Variants in ADAMTS9 observed in about 807,000 individuals in gnomAD.
ADAMTS9 encodes the protein A disintegrin and metalloproteinase with thrombospondin motifs 9.
Under a neutral mutation model 257.1 loss-of-function variants are expected in ADAMTS9, and 107 were observed. That is an observed-to-expected ratio of 0.42 (90% CI 0.36 to 0.49). The LOEUF (loss-of-function observed/expected upper bound fraction) is 0.49. ADAMTS9 is among the 20% of genes least tolerant of loss of function. ADAMTS9 has a pLI of 0.03. For missense variants in ADAMTS9, 2,353 were observed against 2,469.1 expected (o/e 0.95, Z 1.00); for synonymous variants, 982 against 880.9 (o/e 1.11, Z -2.03).
At chr3:64,547,921 G>A (rs1173616921) in intron 31 of ADAMTS9, among the ~76,000 whole-genome samples, 1 of 151,758 alleles carries the variant, frequency 6.6e-6, no homozygotes, top group African/African-American at 2.4e-5. Flanking sequence ...TAGTTTTGAT[G>A]ATATTTTTAG....
chr3:64,616,939 G>C (rs190973732), intron 19 of ADAMTS9, among the ~76,000 whole-genome samples: 10 of 152,160 alleles, frequency 6.6e-5, no homozygotes, highest in Admixed American at 3.3e-4. Flanking sequence ...ACCTGTCCAG[G>C]GTAGAACTCA....
intron 7 of ADAMTS9, 26 bp from the exon 8 acceptor site, chr3:64,654,484 G>A (rs370124190): frequency 6.8e-6 from 11 of 1,612,450 alleles, no homozygotes; most frequent in Non-Finnish European, 9.3e-6. Context: ...AAACCAACAA[G>A]GATTTACTCT....
At chr3:64,532,330 A>G (rs543978829) in intron 38 of ADAMTS9, among the ~76,000 whole-genome samples, 4 of 152,182 alleles carry the variant, frequency 2.6e-5, no homozygotes, top group African/African-American at 9.7e-5. Context: ...ATCTAACACA[A>G]AGCCTATTTT....
In ADAMTS9 at chr3:64,633,704, T is replaced by G. The variant is rs1479446267; in HGVS notation, c.2032A>C (p.Ser678Arg). The G allele has an allele frequency of 6.2e-7, 1 of 1,613,686 alleles. No individual in the cohort carries two copies. Among genetic ancestry groups the G allele is most frequent in the East Asian group, 2.2e-5 (1 of 44,808 alleles). ...ATACACCAGACACACTTACTTCCACTGTATTTAGGGACCCAGCGCACATTG... is the reference window on the plus strand; with the variant it reads ...ATACACCAGACACACTTACTTCCACGGTATTTAGGGACCCAGCGCACATTG... ...LPNVRWVPKY[S>R]GILMKDRCKL... Residue 678 changes from serine (S) to arginine (R), a missense_variant, in exon 13 of 40, where the codon AGT becomes CGT. Ser to Arg is a moderately radical substitution (Grantham distance 110, BLOSUM62 -1). Coordinates refer to ENST00000498707, the MANE Select transcript of ADAMTS9 (RefSeq NM_182920.2).
Position 64,542,070 on chromosome 3 carries a change from G to T in ADAMTS9, c.5065-100C>A, listed in dbSNP as rs1199607279. 11 of 1,495,194 alleles carry T rather than the reference G, an allele frequency of 7.4e-6. No homozygotes were observed. The South Asian group carries it at 1.1e-4, about 15-fold the overall frequency. The allele number at this position is 1,495,194 out of a possible 1,614,324, so 92.6% of individuals were successfully genotyped here. On this transcript the variant is annotated intron_variant, in intron 32 of 39. Coordinates refer to ENST00000498707, the MANE Select transcript of ADAMTS9 (RefSeq NM_182920.2). Reference sequence around the variant, plus strand: ...GAGCCCTGATGTCATCATGTACAGGGTGTCACTTCAGACCCTGTGTCGCTG... The same window carrying T: ...GAGCCCTGATGTCATCATGTACAGGTTGTCACTTCAGACCCTGTGTCGCTG...
intron 21 of ADAMTS9, among the ~76,000 whole-genome samples, chr3:64,614,294 G>A (rs1023617287): frequency 6.6e-6 from 1 of 152,096 alleles, no homozygotes; most frequent in South Asian, 2.1e-4. Flanking sequence ...AAATACTAGA[G>A]ATTTTTAAGC....
Position 64,546,928 on chromosome 3 carries a change from A to C in ADAMTS9, c.4894T>G (p.Tyr1632Asp). Reference sequence around the variant, plus strand: ...CTGCACGAGACAAGCCTTTGTTTGTAGCCTTTTCCACAGGTCACTGAGCAC... The same window carrying C: ...CTGCACGAGACAAGCCTTTGTTTGTCGCCTTTTCCACAGGTCACTGAGCAC... ...SECSVTCGKG[Y>D]KQRLVSCSEI... Residue 1632 changes from tyrosine (Y) to aspartate (D), a missense_variant, in exon 32 of 40, where the codon TAC becomes GAC. Physicochemically the swap from Tyr to Asp is radical, Grantham distance 160. Around this residue, in one of 3 missense-constraint regions of ADAMTS9, gnomAD observed 1,402 missense variants for 1,441.4 expected, o/e 0.97. Coordinates refer to ENST00000498707, the MANE Select transcript of ADAMTS9 (RefSeq NM_182920.2). The C allele has an allele frequency of 6.2e-7, 1 of 1,611,392 alleles. No individual in the cohort carries two copies. Among genetic ancestry groups the C allele is most frequent in the Non-Finnish European group, 8.5e-7 (1 of 1,178,618 alleles).
chr3:64,569,486 G>C (rs2083624728), intron 28 of ADAMTS9, among the ~76,000 whole-genome samples: 1 of 152,210 alleles, frequency 6.6e-6, no homozygotes, highest in African/African-American at 2.4e-5. Flanking sequence ...CAGATTTCAA[G>C]TGTCATTTCC....
Position 64,641,767 on chromosome 3 carries a change from C to T in ADAMTS9, c.1856+81G>A, listed in dbSNP as rs74407208. ...CTAGCTCTCTAAGTTGGAATGTACTCTTCACCCACCAAATTATTCCCTTTA... is the reference window on the plus strand; with the variant it reads ...CTAGCTCTCTAAGTTGGAATGTACTTTTCACCCACCAAATTATTCCCTTTA... On this transcript the variant is annotated intron_variant, in intron 12 of 39. Coordinates refer to ENST00000498707, the MANE Select transcript of ADAMTS9 (RefSeq NM_182920.2). The T allele has an allele frequency of 3.1e-3, 4,849 of 1,561,716 alleles. 90 individuals are homozygous for T. The East Asian group carries it at 0.046, about 15-fold the overall frequency.
At chr3:64,658,892 C>T in intron 3 of ADAMTS9, 101 bp from the exon 4 acceptor site, 4 of 1,302,058 alleles carry the variant, frequency 3.1e-6, no homozygotes, top group South Asian at 2.9e-5. Flanking sequence ...TGTGGTCAAA[C>T]TACATACAAA....
At position 64,568,553 on chromosome 3, in the gene ADAMTS9, G is replaced by A; in HGVS notation, c.4357-18C>T. 6.2e-7 allele frequency: 1 copy of A among 1,608,954 alleles called. No homozygotes were observed. The highest frequency in any genetic ancestry group is 8.5e-7 in the Non-Finnish European group (1 of 1,178,666). On this transcript the variant is annotated intron_variant, in intron 28 of 39. Coordinates refer to ENST00000498707, the MANE Select transcript of ADAMTS9 (RefSeq NM_182920.2). Reference sequence around the variant, plus strand: ...ACAGAACACTGCAATATAAAGCAATGGCAAGGTTGTTGTTGTTTTTTAATT... The same window carrying A: ...ACAGAACACTGCAATATAAAGCAATAGCAAGGTTGTTGTTGTTTTTTAATT...
At chr3:64,665,561 A>T (rs979252408) in intron 3 of ADAMTS9, among the ~76,000 whole-genome samples, 1 of 152,228 alleles carries the variant, frequency 6.6e-6, no homozygotes, top group East Asian at 1.9e-4. Context: ...CAAAGTCATA[A>T]AGTGAGTTGG....
intron 37 of ADAMTS9, among the ~76,000 whole-genome samples, chr3:64,537,903 C>T (rs997572455): frequency 6.6e-6 from 1 of 152,148 alleles, no homozygotes; most frequent in African/African-American, 2.4e-5. Context: ...AAAATTAGCC[C>T]GAGCTGATTA....
chr3:64,548,982 G>C (rs761047007), intron 31 of ADAMTS9, among the ~76,000 whole-genome samples: 3 of 152,206 alleles, frequency 2.0e-5, no homozygotes, highest in Non-Finnish European at 4.4e-5. Context: ...AGTCTAGCTC[G>C]GGCCTCCGCC....
intron 38 of ADAMTS9, among the ~76,000 whole-genome samples, chr3:64,531,756 A>G (rs1251608431): frequency 6.6e-6 from 1 of 152,198 alleles, no homozygotes; most frequent in Non-Finnish European, 1.5e-5. Context: ...CCTGTATTTT[A>G]TCTGGCCGTT....
chr3:64,604,123 A>G (rs939899106), intron 24 of ADAMTS9, 34 bp from the exon 25 acceptor site: 3 of 1,612,092 alleles, frequency 1.9e-6, no homozygotes, highest in Non-Finnish European at 2.5e-6. Context: ...CAGTTATATT[A>G]CGTGGAATGG....
intron 3 of ADAMTS9, among the ~76,000 whole-genome samples, chr3:64,665,128 C>T (rs768489178): frequency 6.6e-6 from 1 of 152,236 alleles, no homozygotes; most frequent in Non-Finnish European, 1.5e-5. Flanking sequence ...TAAATTTAGA[C>T]GTGTTTAAAA....
At chr3:64,542,748 C>A (rs1241573922) in intron 32 of ADAMTS9, among the ~76,000 whole-genome samples, 2 of 151,898 alleles carry the variant, frequency 1.3e-5, no homozygotes, top group East Asian at 1.9e-4. Flanking sequence ...TAGCAGAAGG[C>A]AAGAAATAAC....
chr3:64,519,030 A>G (rs1014217817), intron 39 of ADAMTS9, among the ~76,000 whole-genome samples: 3 of 152,056 alleles, frequency 2.0e-5, no homozygotes, highest in Non-Finnish European at 4.4e-5. Flanking sequence ...TGCCTGCCAC[A>G]GCTTCCCAAA....
Sources: allele counts gnomAD v4.1 joint callset (sites outside exome capture counted in the v4.1 genomes callset), GRCh38; gene constraint gnomAD v4.1.1; regional missense constraint gnomAD v4.1.1; transcripts MANE v1.5; gene names NCBI Gene and HGNC (gene_info 2026-07-23, HGNC 2026-07-21).